The following IKZF3 variants were observed in gnomAD, a reference collection of about 807,000 sequenced individuals.
The protein encoded by IKZF3 is IKAROS family zinc finger 3.
IKZF3 carries 10 observed loss-of-function variants against 49.0 expected under a neutral mutation model. That is an observed-to-expected ratio of 0.20 (90% CI 0.13 to 0.35). The LOEUF is 0.35. Ranked by LOEUF, IKZF3 falls within the 10% of genes least tolerant of loss-of-function variation. The probability of loss-of-function intolerance (pLI) is 1.00; values close to 1 mark genes in which losing one functional copy is unlikely to be tolerated. For missense variants in IKZF3, 498 were observed against 664.8 expected (o/e 0.75, Z 2.76); for synonymous variants, 209 against 228.2 (o/e 0.92, Z 0.76).
intron 3 of IKZF3, among the ~76,000 whole-genome samples, chr17:39,811,418 GA>G (rs1301436686): frequency 2.0e-5 from 3 of 148,988 alleles, no homozygotes; most frequent in African/African-American, 7.4e-5. Context: ...AAGGAAGGAA[GA>G]AAAGGAAGGA....
At chr17:39,844,226 T>C (rs2062562099) in intron 1 of IKZF3, among the ~76,000 whole-genome samples, 1 of 152,190 alleles carries the variant, frequency 6.6e-6, no homozygotes, top group South Asian at 2.1e-4. Context: ...AGTCCCTATA[T>C]TGCTTTTGAT....
intron 1 of IKZF3, among the ~76,000 whole-genome samples, chr17:39,838,907 C>T (rs140059107): frequency 6.6e-6 from 1 of 152,102 alleles, no homozygotes; most frequent in African/African-American, 2.4e-5. Flanking sequence ...GATCATAGCT[C>T]ACTGTAACCT....
intron 6 of IKZF3, among the ~76,000 whole-genome samples, chr17:39,786,363 T>C (rs943669362): frequency 2.0e-5 from 3 of 152,178 alleles, no homozygotes; most frequent in African/African-American, 4.8e-5. Context: ...CTCTCTTTCA[T>C]TCTAGCTTTA....
intron 1 of IKZF3, among the ~76,000 whole-genome samples, chr17:39,858,490 A>G (rs1268423242): frequency 6.6e-6 from 1 of 151,968 alleles, no homozygotes; most frequent in Non-Finnish European, 1.5e-5. Context: ...TTTCATATCC[A>G]TTACCAAGTA....
intron 6 of IKZF3, among the ~76,000 whole-genome samples, chr17:39,782,139 C>T (rs967978378): frequency 6.6e-6 from 1 of 152,164 alleles, no homozygotes; most frequent in African/African-American, 2.4e-5. Context: ...ATAAGTTAGG[C>T]AAAGGCTAGT....
chr17:39,858,974 T>C lies in IKZF3; in HGVS notation c.7+5146A>G, dbSNP rs1159192737. Among the ~76,000 whole-genome samples, 3 of 151,968 alleles carry C rather than the reference T, an allele frequency of 2.0e-5. No individual in the cohort carries two copies. The East Asian group carries it at 5.8e-4, about 29-fold the overall frequency. The stretch of plus-strand genomic sequence containing the variant: ...ACCACACCAGGCCAATTTACTTTTA[T>C]TTTATTATTATTTTTTATGAAACAG... On this transcript the variant is annotated intron_variant, in intron 1 of 7. Coordinates refer to ENST00000346872, the MANE Select transcript of IKZF3 (RefSeq NM_012481.5).
chr17:39,841,477 A>C (rs2062465460), intron 1 of IKZF3, among the ~76,000 whole-genome samples: 1 of 152,114 alleles, frequency 6.6e-6, no homozygotes, highest in Admixed American at 6.5e-5. Flanking sequence ...TCAGAGCTCA[A>C]GCAGTTGAGA....
intron 4 of IKZF3, among the ~76,000 whole-genome samples, 177 bp from the exon 5 acceptor site, chr17:39,791,760 A>G (rs1195441086): frequency 1.3e-5 from 2 of 152,178 alleles, no homozygotes; most frequent in African/African-American, 4.8e-5. Context: ...TCCTCTGTAG[A>G]AGAGAAAAAG....
chr17:39,843,587 C>A (rs544905704), intron 1 of IKZF3, among the ~76,000 whole-genome samples: 1 of 151,976 alleles, frequency 6.6e-6, no homozygotes, highest in African/African-American at 2.4e-5. Flanking sequence ...TATTTTAAAC[C>A]CTCTGACATT....
intron 3 of IKZF3, among the ~76,000 whole-genome samples, chr17:39,823,954 T>C (rs549627839): frequency 6.6e-6 from 1 of 152,110 alleles, no homozygotes; most frequent in Non-Finnish European, 1.5e-5. Flanking sequence ...TGGAACACCG[T>C]GTAGTGGAGC....
At chr17:39,770,543 G>T (rs1186518444) in intron 7 of IKZF3, among the ~76,000 whole-genome samples, 1 of 152,098 alleles carries the variant, frequency 6.6e-6, no homozygotes, top group African/African-American at 2.4e-5. Flanking sequence ...TGCCAACTTG[G>T]AAGTACAGAA....
intron 5 of IKZF3, among the ~76,000 whole-genome samples, chr17:39,789,403 A>G (rs1598011871): frequency 6.6e-6 from 1 of 152,152 alleles, no homozygotes; most frequent in Non-Finnish European, 1.5e-5. Context: ...TCTCTACTAA[A>G]AATACAAAAA....
At chr17:39,853,489 T>C (rs1317548848) in intron 1 of IKZF3, among the ~76,000 whole-genome samples, 1 of 152,182 alleles carries the variant, frequency 6.6e-6, no homozygotes, top group African/African-American at 2.4e-5. Flanking sequence ...ATGATAGGTT[T>C]TGCTGATACT....
chr17:39,822,396 A>G (rs777769684), intron 3 of IKZF3, among the ~76,000 whole-genome samples: 13 of 152,092 alleles, frequency 8.5e-5, no homozygotes, highest in Non-Finnish European at 1.5e-4. Flanking sequence ...AGTTCTCACA[A>G]GATCTGATGG....
At chr17:39,822,582 CT>C (rs536009534) in intron 3 of IKZF3, among the ~76,000 whole-genome samples, 4,242 of 132,966 alleles carry the variant, frequency 0.032, 164 homozygotes, top group African/African-American at 0.11. Flanking sequence ...GTATTTCTTT[CT>C]TTTTTTTTTT....
At chr17:39,773,326 C>T (rs552786511) in intron 7 of IKZF3, among the ~76,000 whole-genome samples, 1 of 152,286 alleles carries the variant, frequency 6.6e-6, no homozygotes, top group South Asian at 2.1e-4. Context: ...CTGGTGGTTC[C>T]TAATAGCCCA....
intron 1 of IKZF3, 29 bp downstream of exon 1, chr17:39,864,091 C>G (rs1203056995): frequency 8.1e-6 from 13 of 1,613,016 alleles, no homozygotes; most frequent in East Asian, 2.2e-5. Context: ...TCAAAGACCC[C>G]GGAGAAAAGA....
chr17:39,780,386 A>G (rs1174102296), intron 6 of IKZF3, among the ~76,000 whole-genome samples: 2 of 152,118 alleles, frequency 1.3e-5, no homozygotes, highest in Non-Finnish European at 1.5e-5. Flanking sequence ...TTTTTGAAAC[A>G]GGGTCTCAAC....
chr17:39,809,982 G>A (rs2061513536), intron 3 of IKZF3, among the ~76,000 whole-genome samples: 1 of 152,134 alleles, frequency 6.6e-6, no homozygotes, highest in South Asian at 2.1e-4. Flanking sequence ...TACATGCTTT[G>A]GTCAGATCTT....
Sources: allele counts gnomAD v4.1 joint callset (sites outside exome capture counted in the v4.1 genomes callset), GRCh38; gene constraint gnomAD v4.1.1; transcripts MANE v1.5; gene names NCBI Gene and HGNC (gene_info 2026-07-23, HGNC 2026-07-21).